Variants in CFAP74 observed in about 807,000 individuals in gnomAD.
CFAP74 encodes cilia- and flagella-associated protein 74.
A neutral mutation model predicts 188.9 loss-of-function variants in CFAP74; 124 were observed. The observed-to-expected ratio is 0.66, with a 90% CI of 0.57 to 0.76. The LOEUF (loss-of-function observed/expected upper bound fraction) is 0.76. Among genes scored for constraint, CFAP74 ranks in the 30% least tolerant of loss-of-function variants. The pLI is 0.00. For missense variants in CFAP74, 2,198 were observed against 2,165.2 expected (o/e 1.02, Z -0.30); for synonymous variants, 956 against 916.7 (o/e 1.04, Z -0.77).
chr1:1,971,273 AC>A (rs1481291089), intron 9 of CFAP74, among the ~76,000 whole-genome samples: 4 of 146,414 alleles, frequency 2.7e-5, no homozygotes, highest in African/African-American at 1.1e-4. Context: ...ACACATGCAA[AC>A]CTGCACACAC....
rs1219278970 is a variant in CFAP74 at position 1,975,356 on chromosome 1, G to A, written c.501-1158C>T. On this transcript the variant is annotated intron_variant, in intron 6 of 38. Coordinates refer to ENST00000682832, the MANE Select transcript of CFAP74 (RefSeq NM_001304360.2). This position sits in a 1 kb window ranked among gnomAD's most constrained non-coding sequence, Gnocchi z 4.5. ...TAATGTCAAGGATTTCTAACGTTGA[G>A]CCTTTTTCGGGGCTCCTAGGATATA... Among the ~76,000 whole-genome samples, 1 of 152,168 alleles carries A rather than the reference G, an allele frequency of 6.6e-6. No individual in the cohort carries two copies. Among genetic ancestry groups the A allele is most frequent in the Non-Finnish European group, 1.5e-5 (1 of 68,038 alleles).
chr1:1,929,018 C>T (rs1652145834), intron 26 of CFAP74, 136 bp from the exon 27 acceptor site: 1 of 621,518 alleles, frequency 1.6e-6, no homozygotes, highest in East Asian at 2.8e-5. Context: ...GGCTGCGTGC[C>T]CCTTCAGGAA....
intron 25 of CFAP74, among the ~76,000 whole-genome samples, chr1:1,936,983 C>G (rs755331076): frequency 6.6e-6 from 1 of 151,924 alleles, no homozygotes; most frequent in African/African-American, 2.4e-5. Flanking sequence ...AGAAAATGGT[C>G]GAATCACAGG....
intron 16 of CFAP74, 90 bp downstream of exon 16, chr1:1,959,030 C>G: frequency 2.3e-6 from 2 of 888,786 alleles, no homozygotes; most frequent in South Asian, 2.8e-5. Flanking sequence ...CCCCGCCAAC[C>G]TGCACCCCCT....
At chr1:1,969,766 G>A (rs1447629020) in intron 10 of CFAP74, among the ~76,000 whole-genome samples, 2 of 152,328 alleles carry the variant, frequency 1.3e-5, no homozygotes, top group South Asian at 2.1e-4. Context: ...TCAGGGGGGT[G>A]GGGAGGACGC....
In CFAP74 at chr1:1,956,778, G is replaced by T; in HGVS notation, c.1858C>A (p.Leu620Ile). The T allele has an allele frequency of 6.2e-7, 1 of 1,612,446 alleles. No homozygotes were observed. The highest frequency in any genetic ancestry group is 1.3e-5 in the African/African-American group (1 of 75,016). Residue 620 changes from leucine to isoleucine, a missense_variant, in exon 17 of 39, where the codon CTC becomes ATC. Physicochemically the swap from Leu to Ile is conservative, Grantham distance 5. Transcript: ENST00000682832. ...KCSTKKCSLS[L>I]DKELIDFGSY... ...CCGAAGTCAATGAGCTCCTTGTCGA[G>T]GGACAGCTGCCAGAGGACATGGAGT... is the stretch of plus-strand genomic sequence containing the variant.
intron 1 of CFAP74, among the ~76,000 whole-genome samples, chr1:1,996,232 G>A (rs572987719): frequency 2.0e-5 from 3 of 152,228 alleles, no homozygotes; most frequent in South Asian, 2.1e-4. Context: ...TAATCCGCCC[G>A]CCTCAGCCTT....
At chr1:1,944,256 G>A (rs970680194) in intron 21 of CFAP74, 75 bp downstream of exon 21, 6 of 1,503,618 alleles carry the variant, frequency 4.0e-6, no homozygotes, top group Admixed American at 4.0e-5. Flanking sequence ...GGGGCTCACC[G>A]CGTGTGCACA....
chr1:2,001,092 T>C (rs1658182027), intron 1 of CFAP74, among the ~76,000 whole-genome samples: 1 of 151,950 alleles, frequency 6.6e-6, no homozygotes, highest in Admixed American at 6.6e-5. Context: ...TGCAGGTGCC[T>C]GGCTGGGTGA....
rs551842344 is a variant in CFAP74 at position 1,942,780 on chromosome 1, C to G, written c.2487-624G>C. 1.7e-4 allele frequency among the ~76,000 whole-genome samples: 26 copies of G among 152,300 alleles called. 1 individual carries two copies. In the East Asian group the frequency reaches 4.2e-3, roughly 25 times the overall value. On this transcript the variant is annotated intron_variant, in intron 21 of 38. Coordinates refer to ENST00000682832, the MANE Select transcript of CFAP74 (RefSeq NM_001304360.2). The surrounding 1 kb of genome is among the most constrained non-coding windows in gnomAD (Gnocchi z 4.3). ...ACAGTGAAGCCTCCCTCCCCTCCCC[C>G]GTCTTGGAGCCTCTGCTAAACAGTG...
At position 1,925,728 on chromosome 1, in the gene CFAP74, G is replaced by T. The variant is rs565743342; in HGVS notation, c.4104+55C>A. ...TGACAGCTGGCCTGAGTCCTGCCTG[G>T]TGGAAACCCCTCCTGGGAGGCTGGA... On this transcript the variant is annotated intron_variant, in intron 33 of 38. Transcript: ENST00000682832. 9.5e-6 allele frequency: 15 copies of T among 1,571,284 alleles called. No homozygotes were observed. The East Asian group carries it at 2.7e-4, about 28-fold the overall frequency.
At chr1:1,988,347 C>G (rs1657367959) in intron 4 of CFAP74, among the ~76,000 whole-genome samples, 165 bp downstream of exon 4, 1 of 152,188 alleles carries the variant, frequency 6.6e-6, no homozygotes, top group Non-Finnish European at 1.5e-5. Flanking sequence ...TGGGCACTAG[C>G]TCCCGGGTGG....
intron 18 of CFAP74, chr1:1,954,914 G>C (rs1344318691): frequency 3.4e-5 from 40 of 1,173,774 alleles, no homozygotes; most frequent in Admixed American, 1.2e-4. Context: ...AACGGCCTTC[G>C]CAACAGTGTG....
chr1:1,924,527 A>G lies in CFAP74; in HGVS notation c.4105-7T>C. 6.3e-7 allele frequency: 1 copy of G among 1,599,286 alleles called. No homozygotes were observed. The highest frequency in any genetic ancestry group is 8.5e-7 in the Non-Finnish European group (1 of 1,173,766). On this transcript the variant is annotated splice_polypyrimidine_tract_variant and splice_region_variant and intron_variant, in intron 33 of 38. Transcript: ENST00000682832. ...GCAGAGAGTTGTTCTGCAGCTGCAG[A>G]GAGCAGGCCGCGGTCACTGCCCGCC...
chr1:1,932,396 CA>C (rs374579472), intron 25 of CFAP74, among the ~76,000 whole-genome samples: 20,972 of 98,136 alleles, frequency 0.21, 1,879 homozygotes, highest in Non-Finnish European at 0.28. Flanking sequence ...GACTCTGTCT[CA>C]AAAAAAAAAA....
intron 33 of CFAP74, among the ~76,000 whole-genome samples, chr1:1,924,823 C>A (rs1651732038): frequency 6.6e-6 from 1 of 152,242 alleles, no homozygotes; most frequent in Admixed American, 6.5e-5. Context: ...TTAGCTGAAC[C>A]CACGTCCCCA....
rs555460786 is a variant in CFAP74, at chr1:1,971,007, T to G, written c.889-191A>C. ...ACACGTGCACACACACACGCACACC[T>G]GCACATGCACACATCACACATGCAC... On this transcript the variant is annotated intron_variant, in intron 9 of 38. Transcript: ENST00000682832. 1.7e-4 allele frequency among the ~76,000 whole-genome samples: 22 copies of G among 129,016 alleles called. 2 individuals carry two copies. Among genetic ancestry groups the G allele is most frequent in the Admixed American group, 1.2e-3 (15 of 12,674 alleles). 84.6% of individuals were successfully genotyped at this position (129,016 alleles called of 152,430 possible).
chr1:1,926,728 G>A lies in CFAP74; in HGVS notation c.3696C>T (p.Cys1232=), dbSNP rs1415066682. ...CCACAACAGATGGTGCCACCGTCGG[G>A]CACCACAGCTCCAGGTACAGGGTGT... ...PHNTLYLELW[C]PTVAPSVVVT... Residue 1232 remains cysteine, a synonymous_variant, in exon 30 of 39, where the codon TGC becomes TGT. Transcript: ENST00000682832. 6.5e-7 allele frequency: 1 copy of A among 1,550,176 alleles called. No homozygotes were observed. Among genetic ancestry groups the A allele is most frequent in the Non-Finnish European group, 8.7e-7 (1 of 1,146,828 alleles).
Position 1,927,616 on chromosome 1 carries a change from A to C in CFAP74, c.3518T>G (p.Leu1173Arg), listed in dbSNP as rs1652011699. 2.6e-6 allele frequency: 4 copies of C among 1,549,736 alleles called. No individual in the cohort carries two copies. The highest frequency in any genetic ancestry group is 3.5e-6 in the Non-Finnish European group (4 of 1,146,672). Reference sequence around the variant, plus strand: ...CCCCTCCTGGACCCACCTGGGCCTCAGCTCCCGCTTCCGCATCTCCAGGAC... The same window carrying C: ...CCCCTCCTGGACCCACCTGGGCCTCCGCTCCCGCTTCCGCATCTCCAGGAC... Reference protein sequence around the residue: ...PHVLEMRKRELRPSSDEYQAA... With the variant: ...PHVLEMRKRERRPSSDEYQAA... The change falls in exon 28 of 39, where the codon CTG (leucine) becomes CGG (arginine). Residue 1173 changes from leucine to arginine, a missense_variant. Leu to Arg is a moderately radical substitution (Grantham distance 102). Coordinates refer to ENST00000682832, the MANE Select transcript of CFAP74 (RefSeq NM_001304360.2).
Sources: allele counts gnomAD v4.1 joint callset (sites outside exome capture counted in the v4.1 genomes callset), GRCh38; gene constraint gnomAD v4.1.1; non-coding constraint Gnocchi (gnomAD v3.1); transcripts MANE v1.5; gene names NCBI Gene and HGNC (gene_info 2026-07-23, HGNC 2026-07-21).